SLC4A10: variants seen among roughly 807,000 people sequenced by gnomAD.
The protein encoded by SLC4A10 is sodium-driven chloride bicarbonate exchanger.
Under a neutral mutation model 137.7 loss-of-function variants are expected in SLC4A10, and 42 were observed. That is an observed-to-expected ratio of 0.30 (90% CI 0.24 to 0.39). SLC4A10 has a LOEUF of 0.39. SLC4A10 is among the 10% of genes least tolerant of loss of function. The pLI, the probability that SLC4A10 is intolerant of heterozygous loss-of-function variation, is 1.00. For missense variants in SLC4A10, 925 were observed against 1,355.0 expected, an observed-to-expected ratio of 0.68 and a Z score of 4.98; for synonymous variants, 474 against 464.1, an observed-to-expected ratio of 1.02 and a Z score of -0.27.
At chr2:161,963,068 G>A (rs1488352822) in intron 21 of SLC4A10, among the ~76,000 whole-genome samples, 1 of 152,024 alleles carries the variant, frequency 6.6e-6, no homozygotes, top group Non-Finnish European at 1.5e-5. Flanking sequence ...CCTCTAGTTG[G>A]AAACACTGAA....
At chr2:161,815,378 C>T (rs1170050537) in intron 3 of SLC4A10, among the ~76,000 whole-genome samples, 1 of 152,118 alleles carries the variant, frequency 6.6e-6, no homozygotes, top group Non-Finnish European at 1.5e-5. Context: ...TTTGCTCGCT[C>T]GCTCTTCTGC....
intron 1 of SLC4A10, among the ~76,000 whole-genome samples, chr2:161,722,207 C>T (rs776778462): frequency 4.6e-5 from 7 of 152,176 alleles, no homozygotes; most frequent in African/African-American, 7.2e-5. Context: ...ACCCTCAGCC[C>T]GGTTCTATGC....
intron 1 of SLC4A10, among the ~76,000 whole-genome samples, chr2:161,634,343 G>A (rs2034072152): frequency 6.6e-6 from 1 of 151,846 alleles, no homozygotes; most frequent in South Asian, 2.1e-4. Context: ...CTTACTTCTG[G>A]TGACATTAAC....
At chr2:161,690,825 G>A (rs1202749063) in intron 1 of SLC4A10, among the ~76,000 whole-genome samples, 1 of 151,918 alleles carries the variant, frequency 6.6e-6, no homozygotes, top group African/African-American at 2.4e-5. Context: ...AGGAAAAATA[G>A]CTAATACATG....
At chr2:161,696,143 A>G (rs1258843045) in intron 1 of SLC4A10, among the ~76,000 whole-genome samples, 2 of 149,398 alleles carry the variant, frequency 1.3e-5, no homozygotes, top group South Asian at 4.2e-4. Context: ...ATTCCCACCT[A>G]TGCATGAGAA....
chr2:161,963,095 C>T (rs1575873550), intron 21 of SLC4A10, among the ~76,000 whole-genome samples: 1 of 151,570 alleles, frequency 6.6e-6, no homozygotes, highest in South Asian at 2.1e-4. Context: ...AAAAATTGGC[C>T]GAAGAACAAT....
chr2:161,939,756 G>C (rs1170902532), intron 15 of SLC4A10, among the ~76,000 whole-genome samples: 1 of 151,858 alleles, frequency 6.6e-6, no homozygotes, highest in Non-Finnish European at 1.5e-5. Context: ...ATAAAATTCT[G>C]TAAATTTTAG....
chr2:161,743,140 T>C (rs753180686), intron 1 of SLC4A10, among the ~76,000 whole-genome samples: 2 of 152,204 alleles, frequency 1.3e-5, no homozygotes, highest in Non-Finnish European at 2.9e-5. Flanking sequence ...CATTTGTGTA[T>C]TACCTGTTTT....
intron 3 of SLC4A10, among the ~76,000 whole-genome samples, chr2:161,836,600 G>GAAA (rs1287560269): frequency 3.5e-4 from 9 of 25,370 alleles, no homozygotes; most frequent in Non-Finnish European, 6.2e-4. Context: ...AAGAAAGAAA[G>GAAA]GAAGGAAGGA....
intron 15 of SLC4A10, among the ~76,000 whole-genome samples, chr2:161,917,989 A>G (rs1687434846): frequency 6.6e-6 from 1 of 152,230 alleles, no homozygotes; most frequent in Non-Finnish European, 1.5e-5. Context: ...AAACCCCAAG[A>G]CATCTAATGC....
At chr2:161,896,305 T>C (rs2105244023) in intron 11 of SLC4A10, among the ~76,000 whole-genome samples, 1 of 152,116 alleles carries the variant, frequency 6.6e-6, no homozygotes, top group East Asian at 1.9e-4. Context: ...CATGCTGTTT[T>C]GGTTACTGTA....
Position 161,904,162 on chromosome 2 carries a change from C to A in SLC4A10, c.1601C>A (p.Ala534Glu), listed in dbSNP as rs766392662. The change falls in exon 13 of 27, where the codon GCA becomes GAA. Residue 534 changes from alanine to glutamate, a missense_variant. This residue lies in a region of SLC4A10 where 61 missense variants were observed against 168.0 expected (regional missense o/e 0.36). Transcript: ENST00000446997. Reference sequence around the variant, plus strand: ...ACGTTTGGAGGACTGCTGGGAGAAGCAACTGAAGGGCGTATAGTATGTATT... The same window carrying A: ...ACGTTTGGAGGACTGCTGGGAGAAGAAACTGAAGGGCGTATAGTATGTATT... ...VITFGGLLGE[A>E]TEGRISAIES... 2 of 1,611,648 alleles carry A rather than the reference C, an allele frequency of 1.2e-6. No homozygotes were observed. Among genetic ancestry groups the A allele is most frequent in the East Asian group, 2.2e-5 (1 of 44,864 alleles).
At chr2:161,702,596 A>C (rs2043239019) in intron 1 of SLC4A10, among the ~76,000 whole-genome samples, 1 of 151,820 alleles carries the variant, frequency 6.6e-6, no homozygotes, top group Admixed American at 6.6e-5. Context: ...CTAAGGCTAC[A>C]AAAATCTGTC....
intron 19 of SLC4A10, among the ~76,000 whole-genome samples, chr2:161,954,747 T>G (rs1360354646): frequency 6.6e-6 from 1 of 152,192 alleles, no homozygotes; most frequent in Non-Finnish European, 1.5e-5. Flanking sequence ...TGTTATATAT[T>G]TATATATTAC....
chr2:161,904,633 T>C (rs1683914561), intron 13 of SLC4A10, 143 bp from the exon 14 acceptor site: 1 of 913,870 alleles, frequency 1.1e-6, no homozygotes, highest in East Asian at 2.4e-5. Flanking sequence ...TAGTCATCCT[T>C]CTACCCCACG....
At chr2:161,855,206 A>T (rs966893075) in intron 5 of SLC4A10, 76 bp downstream of exon 5, 288 of 1,394,494 alleles carry the variant, frequency 2.1e-4, no homozygotes, top group Admixed American at 3.2e-4. Context: ...ATAATTCAAT[A>T]TACGTATGAA....
At chr2:161,734,810 C>T (rs987354437) in intron 1 of SLC4A10, among the ~76,000 whole-genome samples, 6 of 151,932 alleles carry the variant, frequency 3.9e-5, no homozygotes, top group East Asian at 1.9e-4. Flanking sequence ...TGCCTCCACC[C>T]GAATCATATC....
At chr2:161,793,896 C>T (rs1484599670) in intron 2 of SLC4A10, among the ~76,000 whole-genome samples, 2 of 151,984 alleles carry the variant, frequency 1.3e-5, no homozygotes, top group Admixed American at 6.6e-5. Flanking sequence ...TTTTGCATAA[C>T]TCAATTTGTT....
chr2:161,942,916 A>T lies in SLC4A10; in HGVS notation c.2103+19A>T. 1 of 1,548,558 alleles carries T rather than the reference A, an allele frequency of 6.5e-7. No homozygotes were observed. Among genetic ancestry groups the T allele is most frequent in the Non-Finnish European group, 8.8e-7 (1 of 1,139,124 alleles). The stretch of plus-strand genomic sequence containing the variant: ...TGTGTCAGTAAGTAAAACACTGAAA[A>T]ATAAGTCATACCTAAGAGCTTTTGT... On this transcript the variant is annotated intron_variant, in intron 16 of 26. Transcript: ENST00000446997.
Sources: allele counts gnomAD v4.1 joint callset (sites outside exome capture counted in the v4.1 genomes callset), GRCh38; gene constraint gnomAD v4.1.1; regional missense constraint gnomAD v4.1.1; transcripts MANE v1.5; gene names NCBI Gene and HGNC (gene_info 2026-07-23, HGNC 2026-07-21).